The following GRIN2D variants were observed in gnomAD, a reference collection of about 807,000 sequenced individuals.
The protein encoded by GRIN2D is glutamate receptor ionotropic, NMDA 2D.
A neutral mutation model predicts 103.2 loss-of-function variants in GRIN2D; 37 were observed. The observed-to-expected ratio is 0.36, with a 90% CI of 0.28 to 0.47. The LOEUF (loss-of-function observed/expected upper bound fraction) is 0.47. Ranked by LOEUF, GRIN2D falls within the 20% of genes least tolerant of loss-of-function variation. GRIN2D has a pLI of 1.00. For synonymous variants in GRIN2D, 845 were observed against 885.6 expected (o/e 0.95, Z 0.81); for missense variants, 1,557 against 1,910.6 (o/e 0.81, Z 3.45).
chr19:48,428,436 C>G (rs941464321), intron 11 of GRIN2D, among the ~76,000 whole-genome samples: 13 of 150,682 alleles, frequency 8.6e-5, no homozygotes, highest in Non-Finnish European at 1.8e-4. Flanking sequence ...TCTCGGCTCA[C>G]TGCAACCTCC....
chr19:48,422,231 T>C (rs1424101234), intron 11 of GRIN2D, among the ~76,000 whole-genome samples: 1 of 152,190 alleles, frequency 6.6e-6, no homozygotes, highest in African/African-American at 2.4e-5. Context: ...GGCAAGTTAC[T>C]CAGCCTCTCT....
chr19:48,416,866 T>C (rs1321974008), intron 8 of GRIN2D, among the ~76,000 whole-genome samples: 1 of 151,548 alleles, frequency 6.6e-6, no homozygotes, highest in Non-Finnish European at 1.5e-5. Context: ...TGCCTCAGCC[T>C]GCCAAGTAAC....
Position 48,421,810 on chromosome 19 carries a change from C to T in GRIN2D, c.2117C>T (p.Pro706Leu). ...RKFQRPQEQY[P>L]PLKFGTVPNG... ...TTCCAGAGGCCCCAGGAGCAGTACC[C>T]GCCCCTGAAGTTTGGGACCGTGCCC... The change falls in exon 11 of 14, where the codon CCG becomes CTG. Residue 706 changes from proline to leucine, a missense_variant. Pro to Leu is a moderately conservative substitution (Grantham distance 98). Transcript: ENST00000263269. The surrounding 1 kb of genome is among the most constrained non-coding windows in gnomAD (Gnocchi z 4.8). 3.1e-6 allele frequency: 5 copies of T among 1,613,854 alleles called. No individual in the cohort carries two copies. Among genetic ancestry groups the T allele is most frequent in the South Asian group, 2.2e-5 (2 of 91,074 alleles).
At chr19:48,410,874 G>A (rs190674348) in intron 4 of GRIN2D, among the ~76,000 whole-genome samples, 2 of 152,218 alleles carry the variant, frequency 1.3e-5, no homozygotes, top group African/African-American at 2.4e-5. Flanking sequence ...AGGGAGGAAG[G>A]CGGCTAAGAG....
chr19:48,441,683 G>T, intron 11 of GRIN2D, 86 bp from the exon 12 acceptor site: 1 of 1,055,526 alleles, frequency 9.5e-7, no homozygotes, highest in Non-Finnish European at 1.4e-6. Context: ...TGGAGCAGTT[G>T]GAGGTTACAG....
chr19:48,422,316 A>G (rs868317361), intron 11 of GRIN2D, among the ~76,000 whole-genome samples: 2 of 152,142 alleles, frequency 1.3e-5, no homozygotes, highest in African/African-American at 4.8e-5. Flanking sequence ...GGTTGTTACA[A>G]GAATTATACT....
intron 4 of GRIN2D, among the ~76,000 whole-genome samples, chr19:48,410,958 T>C (rs893203712): frequency 6.6e-6 from 1 of 152,062 alleles, no homozygotes; most frequent in Non-Finnish European, 1.5e-5. Context: ...AGTGAAGATA[T>C]TGAGGAGTCC....
chr19:48,410,046 A>C (rs970345536), intron 4 of GRIN2D, among the ~76,000 whole-genome samples: 17 of 151,430 alleles, frequency 1.1e-4, no homozygotes, highest in African/African-American at 4.1e-4. Context: ...CAGCCTCCCA[A>C]AGTGCTGGGA....
chr19:48,443,415 C>G lies in GRIN2D; in HGVS notation c.3489C>G (p.Ala1163=), dbSNP rs969014621. Residue 1163 remains alanine, a synonymous_variant, in exon 14 of 14, where the codon GCC becomes GCG. Coordinates refer to ENST00000263269, the MANE Select transcript of GRIN2D (RefSeq NM_000836.4). This position sits in a 1 kb window ranked among gnomAD's most constrained non-coding sequence, Gnocchi z 8.9. ...TCGACAAGCTCGGGGGCTGGCGCGC[C>G]GGGAGCTGGGACTACCTGCCCCCGC... The part of the protein sequence containing the change: ...WSVDKLGGWR[A]GSWDYLPPRS... 3 of 1,405,842 alleles carry G rather than the reference C, an allele frequency of 2.1e-6. No homozygotes were observed. The highest frequency in any genetic ancestry group is 3.0e-5 in the African/African-American group (2 of 67,084). 87.1% of individuals were successfully genotyped at this position (1,405,842 alleles called of 1,614,324 possible).
At chr19:48,425,838 G>C (rs972840263) in intron 11 of GRIN2D, among the ~76,000 whole-genome samples, 5 of 152,156 alleles carry the variant, frequency 3.3e-5, no homozygotes, top group East Asian at 1.9e-4. Flanking sequence ...GGTACAAAAA[G>C]CGTGCAACTC....
chr19:48,415,923 C>T (rs1399916998), intron 7 of GRIN2D, 79 bp from the exon 8 acceptor site: 1 of 1,324,604 alleles, frequency 7.5e-7, no homozygotes. Context: ...CTCCCGGGGC[C>T]CGTCTCTGCT....
intron 3 of GRIN2D, among the ~76,000 whole-genome samples, chr19:48,402,472 C>G (rs1304325805): frequency 6.6e-5 from 10 of 151,864 alleles, no homozygotes; most frequent in Admixed American, 6.6e-4. Flanking sequence ...AATCCCAGCA[C>G]TTTGGGAGGC....
rs1971348420 is a variant in GRIN2D, at chr19:48,444,021, G to C, written c.*84G>C. The C allele has an allele frequency of 1.1e-6, 1 of 927,576 alleles. No homozygotes were observed. Among genetic ancestry groups the C allele is most frequent in the Non-Finnish European group, 1.5e-6 (1 of 681,980 alleles). The allele number at this position is 927,576 out of a possible 1,614,324, so 57.5% of individuals were successfully genotyped here. A position where few individuals can be genotyped will look rare whatever the true frequency, so the allele number is the denominator to read the frequency against. On this transcript the variant is annotated 3_prime_UTR_variant, in exon 14 of 14. Transcript: ENST00000263269. This position sits in a 1 kb window ranked among gnomAD's most constrained non-coding sequence, Gnocchi z 5.5. ...GCCCGCAGTGGACAGGACCCGCGTG[G>C]GTTGGGAAGGAAAGCAGTGGAACTG... is the stretch of plus-strand genomic sequence containing the variant.
chr19:48,402,792 G>T (rs1297574177), intron 3 of GRIN2D, among the ~76,000 whole-genome samples: 2 of 149,848 alleles, frequency 1.3e-5, no homozygotes, highest in Non-Finnish European at 3.0e-5. Flanking sequence ...GAGAGAGAGA[G>T]AGAGAGAGAG....
intron 4 of GRIN2D, 136 bp from the exon 5 acceptor site, chr19:48,413,855 T>C: frequency 4.7e-6 from 3 of 642,666 alleles, no homozygotes; most frequent in Non-Finnish European, 8.6e-6. Flanking sequence ...TTCGTGTTTT[T>C]GAGACCTTGG....
At chr19:48,441,686 G>C (rs779311936) in intron 11 of GRIN2D, 83 bp from the exon 12 acceptor site, 2 of 1,107,892 alleles carry the variant, frequency 1.8e-6, no homozygotes, top group African/African-American at 1.6e-5. Context: ...AGCAGTTGGA[G>C]GTTACAGGTG....
At chr19:48,409,942 G>A (rs1315972606) in intron 4 of GRIN2D, among the ~76,000 whole-genome samples, 1 of 150,988 alleles carries the variant, frequency 6.6e-6, no homozygotes, top group African/African-American at 2.4e-5. Flanking sequence ...CCGCCACCAT[G>A]CCCGGCTAAT....
Position 48,394,533 on chromosome 19 carries a change from GGA to G in GRIN2D, c.-305-123_-305-122del, listed in dbSNP as rs1246394280. 6.7e-6 allele frequency among the ~76,000 whole-genome samples: 1 copy of G among 149,348 alleles called. No homozygotes were observed. Among genetic ancestry groups the G allele is most frequent in the Non-Finnish European group, 1.5e-5 (1 of 67,070 alleles). The stretch of plus-strand genomic sequence containing the variant: ...GCGGGACTGGACACATGGAAAGGGG[GGA>G]GGAGCCGGGGCTGAAGCGGCAGAGG... On this transcript the variant is annotated intron_variant, in intron 1 of 13. Coordinates refer to ENST00000263269, the MANE Select transcript of GRIN2D (RefSeq NM_000836.4). This position sits in a 1 kb window ranked among gnomAD's most constrained non-coding sequence, Gnocchi z 5.1.
intron 4 of GRIN2D, among the ~76,000 whole-genome samples, chr19:48,407,946 G>A (rs1214062079): frequency 1.3e-5 from 2 of 152,128 alleles, no homozygotes; most frequent in Non-Finnish European, 2.9e-5. Context: ...TCAGCATTTC[G>A]GGAGGCTGAG....
Sources: allele counts gnomAD v4.1 joint callset (sites outside exome capture counted in the v4.1 genomes callset), GRCh38; gene constraint gnomAD v4.1.1; non-coding constraint Gnocchi (gnomAD v3.1); transcripts MANE v1.5; gene names NCBI Gene and HGNC (gene_info 2026-07-23, HGNC 2026-07-21).